SGCZ: variants seen among roughly 807,000 people sequenced by gnomAD.
SGCZ encodes zeta-sarcoglycan.
SGCZ carries 40 observed loss-of-function variants against 41.3 expected under a neutral mutation model. The observed-to-expected ratio is 0.97, with a 90% CI of 0.75 to 1.26. SGCZ has a LOEUF of 1.26. Ranked by LOEUF, SGCZ falls within the 50% of genes most tolerant of loss-of-function variation. The pLI is 0.00. For missense variants in SGCZ, 552 were observed against 369.8 expected (o/e 1.49, Z -4.04); for synonymous variants, 206 against 137.5 (o/e 1.50, Z -3.49).
chr8:14,861,258 G>A (rs531513326), intron 1 of SGCZ, among the ~76,000 whole-genome samples: 22 of 152,132 alleles, frequency 1.4e-4, no homozygotes, highest in Non-Finnish European at 3.1e-4. Flanking sequence ...CCAATCACAT[G>A]TGTTCAAAAT....
At chr8:14,748,676 A>G (rs1426945572) in intron 1 of SGCZ, among the ~76,000 whole-genome samples, 1 of 152,220 alleles carries the variant, frequency 6.6e-6, no homozygotes, top group Non-Finnish European at 1.5e-5. Flanking sequence ...TAGATGAATC[A>G]TGAAGGAATC....
At chr8:14,950,343 C>T (rs1465189272) in intron 1 of SGCZ, among the ~76,000 whole-genome samples, 1 of 151,768 alleles carries the variant, frequency 6.6e-6, no homozygotes, top group Non-Finnish European at 1.5e-5. Flanking sequence ...CCCTCATTTC[C>T]TTCCTTTTTT....
intron 4 of SGCZ, among the ~76,000 whole-genome samples, chr8:14,211,512 G>A (rs1261506876): frequency 6.6e-6 from 1 of 152,132 alleles, no homozygotes; most frequent in East Asian, 1.9e-4. Flanking sequence ...ACCTGAGACT[G>A]GGTAATTTAT....
intron 1 of SGCZ, among the ~76,000 whole-genome samples, chr8:14,593,593 G>A (rs781725241): frequency 2.2e-4 from 33 of 152,244 alleles, no homozygotes; most frequent in Middle Eastern, 6.8e-3. Flanking sequence ...TGGCGACAGT[G>A]GTGAAGGTGT....
At chr8:15,074,771 G>A (rs1235363156) in intron 1 of SGCZ, among the ~76,000 whole-genome samples, 1 of 151,936 alleles carries the variant, frequency 6.6e-6, no homozygotes, top group East Asian at 1.9e-4. Context: ...TCCTCCTCTT[G>A]GAATACATAT....
intron 2 of SGCZ, among the ~76,000 whole-genome samples, chr8:14,347,440 G>C (rs1490658702): frequency 6.6e-6 from 1 of 151,856 alleles, no homozygotes; most frequent in Non-Finnish European, 1.5e-5. Context: ...TTAGTAACAG[G>C]AAAAAAGTTA....
At chr8:14,275,514 CAGCA>C (rs1800199237) in intron 3 of SGCZ, among the ~76,000 whole-genome samples, 1 of 152,116 alleles carries the variant, frequency 6.6e-6, no homozygotes, top group Non-Finnish European at 1.5e-5. Context: ...TTTGATCACT[CAGCA>C]CTTCTACTCT....
intron 1 of SGCZ, among the ~76,000 whole-genome samples, chr8:14,742,981 C>G (rs1028612313): frequency 6.6e-6 from 1 of 152,010 alleles, no homozygotes; most frequent in Non-Finnish European, 1.5e-5. Context: ...ATGTTTGTAC[C>G]ATGAGCATTT....
At chr8:15,191,017 C>A (rs1318304889) in intron 1 of SGCZ, among the ~76,000 whole-genome samples, 2 of 151,920 alleles carry the variant, frequency 1.3e-5, no homozygotes, top group African/African-American at 4.8e-5. Flanking sequence ...TGTTATAAAT[C>A]TTCTATTATA....
rs1277147258 is a variant in SGCZ at position 14,463,209 on chromosome 8, G to C, written c.234+91523C>G. 3.3e-5 allele frequency among the ~76,000 whole-genome samples: 5 copies of C among 150,538 alleles called. No homozygotes were observed. In the East Asian group the frequency reaches 7.8e-4, roughly 23 times the overall value. ...TGGTTAGAATTTCTAATATTATGTT[G>C]AATAATATTAGAATGGAATCTCATG... On this transcript the variant is annotated intron_variant, in intron 2 of 7. Transcript: ENST00000382080.
At chr8:14,477,560 C>T (rs1401235461) in intron 2 of SGCZ, among the ~76,000 whole-genome samples, 1 of 152,140 alleles carries the variant, frequency 6.6e-6, no homozygotes, top group Non-Finnish European at 1.5e-5. Flanking sequence ...TATTCTCCTT[C>T]AGTAGTTTAT....
At chr8:15,099,571 A>T (rs1347489955) in intron 1 of SGCZ, among the ~76,000 whole-genome samples, 1 of 152,198 alleles carries the variant, frequency 6.6e-6, no homozygotes, top group Admixed American at 6.5e-5. Flanking sequence ...GCTCTGCAAA[A>T]AATAATTGAA....
intron 1 of SGCZ, among the ~76,000 whole-genome samples, chr8:14,607,624 A>T (rs143862844): frequency 6.6e-6 from 1 of 152,310 alleles, no homozygotes; most frequent in East Asian, 1.9e-4. Flanking sequence ...CTAGACTGTG[A>T]GTGCGAGCAA....
Position 14,223,032 on chromosome 8 carries a change from G to A in SGCZ, c.424+14560C>T, listed in dbSNP as rs146760315. Among the ~76,000 whole-genome samples, 166 of 151,840 alleles carry A rather than the reference G, an allele frequency of 1.1e-3. 3 individuals carry two copies. The East Asian group carries it at 0.03, about 27-fold the overall frequency. ...TCACCATGTAGGCCAGGATGGTCTC[G>A]AACTTCTGATCTCATGATCCACCTA... On this transcript the variant is annotated intron_variant, in intron 4 of 7. Transcript: ENST00000382080.
At chr8:15,088,303 A>C (rs28660118) in intron 1 of SGCZ, among the ~76,000 whole-genome samples, 22,102 of 152,056 alleles carry the variant, frequency 0.15, 2,292 homozygotes, top group African/African-American at 0.34. Context: ...TGTCCTTTAA[A>C]GGAAGTTGTC....
intron 5 of SGCZ, among the ~76,000 whole-genome samples, chr8:14,116,598 T>C (rs1482394558): frequency 6.6e-6 from 1 of 152,114 alleles, no homozygotes; most frequent in Admixed American, 6.6e-5. Flanking sequence ...AGAACATGTG[T>C]GTTAATGCCC....
At chr8:14,616,880 A>G (rs1415510820) in intron 1 of SGCZ, among the ~76,000 whole-genome samples, 1 of 152,172 alleles carries the variant, frequency 6.6e-6, no homozygotes, top group Non-Finnish European at 1.5e-5. Flanking sequence ...TCCTTAAGGA[A>G]CTTAAAAATT....
intron 1 of SGCZ, among the ~76,000 whole-genome samples, chr8:15,195,707 T>G (rs973810580): frequency 6.6e-6 from 1 of 152,154 alleles, no homozygotes. Flanking sequence ...TTTGGTATGT[T>G]CAAGTATAAT....
intron 1 of SGCZ, among the ~76,000 whole-genome samples, chr8:15,069,344 G>C (rs955067496): frequency 1.3e-5 from 2 of 152,068 alleles, no homozygotes; most frequent in African/African-American, 4.8e-5. Flanking sequence ...ACAATGCAAA[G>C]TTTTGAAAGT....
Sources: allele counts gnomAD v4.1 joint callset (sites outside exome capture counted in the v4.1 genomes callset), GRCh38; gene constraint gnomAD v4.1.1; transcripts MANE v1.5; gene names NCBI Gene and HGNC (gene_info 2026-07-23, HGNC 2026-07-21).